The following SLC8A1 variants were observed in gnomAD, a reference collection of about 807,000 sequenced individuals.
The protein encoded by SLC8A1 is sodium/calcium exchanger 1.
Under a neutral mutation model 68.3 loss-of-function variants are expected in SLC8A1, and 18 were observed. The observed-to-expected ratio is 0.26, with a 90% confidence interval of 0.18 to 0.39. SLC8A1 has a LOEUF of 0.39. Among genes scored for constraint, SLC8A1 ranks in the 10% least tolerant of loss-of-function variants. SLC8A1 has a pLI of 1.00. For missense variants in SLC8A1, 985 were observed against 1,156.7 expected (o/e 0.85, Z 2.15); for synonymous variants, 475 against 415.5 (o/e 1.14, Z -1.74).
chr2:40,351,582 A>G (rs1291230015), intron 2 of SLC8A1, among the ~76,000 whole-genome samples: 3 of 114,120 alleles, frequency 2.6e-5, no homozygotes, highest in Non-Finnish European at 5.3e-5. Context: ...TGAATGTTGC[A>G]TCCAAAAAAA....
intron 2 of SLC8A1, among the ~76,000 whole-genome samples, chr2:40,373,905 C>T (rs1223489545): frequency 6.6e-6 from 1 of 152,078 alleles, no homozygotes; most frequent in Non-Finnish European, 1.5e-5. Context: ...CAGATATCTT[C>T]CAAACAAGTG....
chr2:40,277,464 T>G (rs568785892), intron 2 of SLC8A1, among the ~76,000 whole-genome samples: 75 of 152,010 alleles, frequency 4.9e-4, no homozygotes, highest in African/African-American at 1.7e-3. Context: ...CACTTGAACC[T>G]CGGAGGCAGA....
At chr2:40,163,191 A>G (rs945633576) in intron 5 of SLC8A1, among the ~76,000 whole-genome samples, 1 of 152,138 alleles carries the variant, frequency 6.6e-6, no homozygotes, top group Non-Finnish European at 1.5e-5. Context: ...TATAGTGGTT[A>G]CCAGAAAGGG....
intron 2 of SLC8A1, among the ~76,000 whole-genome samples, chr2:40,384,992 T>C (rs1683102760): frequency 6.6e-6 from 1 of 151,980 alleles, no homozygotes; most frequent in African/African-American, 2.4e-5. Context: ...GTATATAGAG[T>C]TCTTCTAAAT....
At chr2:40,252,877 T>G in intron 2 of SLC8A1, among the ~76,000 whole-genome samples, 2 of 109,912 alleles carry the variant, frequency 1.8e-5, no homozygotes, top group African/African-American at 4.0e-5. Flanking sequence ...TCCAATAATA[T>G]ATATTTTGAG....
intron 7 of SLC8A1, among the ~76,000 whole-genome samples, chr2:40,115,946 C>A (rs2035257327): frequency 1.3e-5 from 2 of 152,176 alleles, no homozygotes; most frequent in East Asian, 3.9e-4. Context: ...AGTCACAGCT[C>A]ACCTACATCA....
At chr2:40,449,937 C>CT in intron 1 of SLC8A1, among the ~76,000 whole-genome samples, 1 of 152,150 alleles carries the variant, frequency 6.6e-6, no homozygotes, top group Non-Finnish European at 1.5e-5. Flanking sequence ...AAAATCAGGG[C>CT]TTCTTTTATA....
intron 6 of SLC8A1, among the ~76,000 whole-genome samples, chr2:40,154,203 G>A (rs945809909): frequency 6.6e-6 from 1 of 151,346 alleles, no homozygotes; most frequent in Admixed American, 6.6e-5. Context: ...GTGAAGAACA[G>A]AAATAATGCC....
At chr2:40,488,378 TTC>T in intron 1 of SLC8A1, among the ~76,000 whole-genome samples, 1 of 152,134 alleles carries the variant, frequency 6.6e-6, no homozygotes, top group Non-Finnish European at 1.5e-5. Flanking sequence ...CCCATTCGTA[TTC>T]TCTCATCTTA....
rs1553435801 is a variant in SLC8A1, at chr2:40,232,612, T to TTTA, written c.1809-54758_1809-54757insTAA. Among the ~76,000 whole-genome samples the TTTA allele has an allele frequency of 1.1e-4, 16 of 150,220 alleles. No individual in the cohort carries two copies. The East Asian group carries it at 2.9e-3, about 27-fold the overall frequency. On this transcript the variant is annotated intron_variant, in intron 2 of 7. Coordinates refer to ENST00000406785, the Ensembl canonical transcript of SLC8A1. The stretch of plus-strand genomic sequence containing the variant: ...CTTTGTATTCTGTTTTTTTTTTTTT[T>TTTA]TATATACTTTAAGTTTTAGGGTACA...
chr2:40,460,637 T>A (rs2149892878), intron 1 of SLC8A1, among the ~76,000 whole-genome samples: 1 of 151,710 alleles, frequency 6.6e-6, no homozygotes, highest in East Asian at 1.9e-4. Flanking sequence ...TGGAATGCAG[T>A]GGCATGATCT....
At chr2:40,412,457 G>A (rs1364887157) in intron 2 of SLC8A1, among the ~76,000 whole-genome samples, 1 of 152,140 alleles carries the variant, frequency 6.6e-6, no homozygotes, top group East Asian at 1.9e-4. Flanking sequence ...TAACTAGCAA[G>A]TTATAGCATT....
Position 40,295,870 on chromosome 2 carries a change from A to T in SLC8A1, c.1809-118015T>A, listed in dbSNP as rs78642932. On this transcript the variant is annotated intron_variant, in intron 2 of 7. Transcript: ENST00000406785. ...GCTATCATTAAAACTGAAGGCCAAA[A>T]TCGCCCTTTCTGCGTACTTCTGAAA... Among the ~76,000 whole-genome samples the T allele has an allele frequency of 2.2e-3, 333 of 152,224 alleles. 1 individual carries two copies. The highest frequency in any genetic ancestry group is 7.8e-3 in the African/African-American group (324 of 41,544).
chr2:40,311,257 A>C (rs1039036867), intron 2 of SLC8A1, among the ~76,000 whole-genome samples: 3 of 152,182 alleles, frequency 2.0e-5, no homozygotes, highest in African/African-American at 7.2e-5. Context: ...GAATTGTAAA[A>C]TTAGTAGGTC....
intron 2 of SLC8A1, among the ~76,000 whole-genome samples, chr2:40,224,053 C>G (rs539070763): frequency 2.5e-4 from 38 of 152,210 alleles, no homozygotes; most frequent in African/African-American, 8.9e-4. Context: ...AATACATCCA[C>G]CACAACTGTA....
Position 40,130,726 on chromosome 2 carries a change from C to T in SLC8A1, c.2437+8675G>A, listed in dbSNP as rs561463656. 2.0e-5 allele frequency among the ~76,000 whole-genome samples: 3 copies of T among 152,300 alleles called. No homozygotes were observed. The South Asian group carries it at 6.2e-4, about 32-fold the overall frequency. On this transcript the variant is annotated intron_variant, in intron 7 of 7. Transcript: ENST00000406785. Reference sequence around the variant, plus strand: ...GGGTAAAGTCACTCTGTTTTCTTTTCCATTTAAGCTGATGTGAAATGTAGC... The same window carrying T: ...GGGTAAAGTCACTCTGTTTTCTTTTTCATTTAAGCTGATGTGAAATGTAGC...
At chr2:40,441,012 T>TTC in intron 1 of SLC8A1, among the ~76,000 whole-genome samples, 1 of 152,318 alleles carries the variant, frequency 6.6e-6, no homozygotes, top group East Asian at 1.9e-4. Flanking sequence ...GATGACATAA[T>TTC]TCTATATTTA....
intron 2 of SLC8A1, among the ~76,000 whole-genome samples, chr2:40,329,218 C>T (rs577944468): frequency 1.3e-3 from 205 of 152,244 alleles, no homozygotes; most frequent in Non-Finnish European, 2.2e-3. Context: ...TGAAACCTTA[C>T]GCAACCGTTA....
At chr2:40,331,141 G>T (rs537367142) in intron 2 of SLC8A1, among the ~76,000 whole-genome samples, 1 of 152,074 alleles carries the variant, frequency 6.6e-6, no homozygotes, top group South Asian at 2.1e-4. Flanking sequence ...TATTATCTAT[G>T]GTATGAGATT....
Sources: allele counts gnomAD v4.1 joint callset (sites outside exome capture counted in the v4.1 genomes callset), GRCh38; gene constraint gnomAD v4.1.1; transcripts MANE v1.5; gene names NCBI Gene and HGNC (gene_info 2026-07-23, HGNC 2026-07-21).